The following MGMT variants were observed in gnomAD, a reference collection of about 807,000 sequenced individuals.
MGMT encodes O-6-methylguanine-DNA methyltransferase, also known as methylated-DNA--protein-cysteine methyltransferase.
Under a neutral mutation model 15.9 loss-of-function variants are expected in MGMT, and 14 were observed. The observed-to-expected ratio is 0.88, with a 90% CI of 0.58 to 1.37. The LOEUF (loss-of-function observed/expected upper bound fraction) is 1.37. MGMT is among the 40% of genes most tolerant of loss of function. MGMT has a pLI of 0.00. For synonymous variants in MGMT, 130 were observed against 118.2 expected (o/e 1.10, Z -0.65); for missense variants, 282 against 268.1 (o/e 1.05, Z -0.36).
chr10:129,677,800 C>T (rs553396005), intron 2 of MGMT, among the ~76,000 whole-genome samples: 4 of 152,268 alleles, frequency 2.6e-5, no homozygotes, highest in Admixed American at 6.5e-5. Context: ...AACAGGTCAC[C>T]GAGGCCACTG....
At chr10:129,763,318 G>C (rs544241250) in intron 4 of MGMT, among the ~76,000 whole-genome samples, 199 of 152,210 alleles carry the variant, frequency 1.3e-3, no homozygotes, top group Non-Finnish European at 2.3e-3. Flanking sequence ...ATTTCAGCAG[G>C]TTTCATTATC....
chr10:129,612,486 A>G (rs1334043464), intron 2 of MGMT, among the ~76,000 whole-genome samples: 1 of 152,238 alleles, frequency 6.6e-6, no homozygotes, highest in African/African-American at 2.4e-5. Flanking sequence ...TTGAATTAAA[A>G]TATTTTATCA....
At chr10:129,712,905 G>A (rs1392757795) in intron 3 of MGMT, among the ~76,000 whole-genome samples, 2 of 152,184 alleles carry the variant, frequency 1.3e-5, no homozygotes, top group East Asian at 3.9e-4. Flanking sequence ...CCTGGAAAGA[G>A]GCATATTAGC....
intron 2 of MGMT, among the ~76,000 whole-genome samples, chr10:129,538,300 C>T (rs117254712): frequency 0.021 from 3,209 of 152,274 alleles, 54 homozygotes; most frequent in Non-Finnish European, 0.036. Context: ...TAAAGTTAGT[C>T]CTCTTTGTGA....
At chr10:129,479,487 C>T (rs147950438) in intron 1 of MGMT, among the ~76,000 whole-genome samples, 1 of 151,948 alleles carries the variant, frequency 6.6e-6, no homozygotes, top group South Asian at 2.1e-4. Flanking sequence ...AAGTATTCTG[C>T]TCGTTTTTTC....
intron 2 of MGMT, among the ~76,000 whole-genome samples, chr10:129,614,356 G>A (rs781457236): frequency 7.2e-5 from 11 of 152,150 alleles, no homozygotes; most frequent in South Asian, 2.1e-4. Context: ...TCTAAGACAC[G>A]TGGTCTAGGG....
intron 2 of MGMT, among the ~76,000 whole-genome samples, chr10:129,581,890 A>C (rs1846559973): frequency 1.3e-5 from 2 of 152,224 alleles, no homozygotes; most frequent in African/African-American, 4.8e-5. Context: ...TTCTATCCTT[A>C]ATATTTAAAA....
Position 129,770,545 on chromosome 10 carries a change from G to A in MGMT, c.*3548G>A, listed in dbSNP as rs1191184545. ...ACCCGTAGCTGTGACCATGGGCGGT[G>A]GCGCCAGCTCGGACTTCACCCCGTT... is the stretch of plus-strand genomic sequence containing the variant. On this transcript the variant is annotated 3_prime_UTR_variant, in exon 5 of 5. Transcript: ENST00000651593. 1.3e-5 allele frequency among the ~76,000 whole-genome samples: 2 copies of A among 152,224 alleles called. No individual in the cohort carries two copies. The highest frequency in any genetic ancestry group is 4.8e-5 in the African/African-American group (2 of 41,462).
chr10:129,550,325 C>T (rs1846142295), intron 2 of MGMT, among the ~76,000 whole-genome samples: 1 of 151,504 alleles, frequency 6.6e-6, no homozygotes, highest in Non-Finnish European at 1.5e-5. Context: ...CCACCACCGC[C>T]GCCCAGCACC....
At chr10:129,657,774 T>A (rs1847548338) in intron 2 of MGMT, among the ~76,000 whole-genome samples, 1 of 151,356 alleles carries the variant, frequency 6.6e-6, no homozygotes, top group Admixed American at 6.6e-5. Context: ...TCTTAGCGTG[T>A]GTGGAGTCAT....
chr10:129,560,306 G>A (rs997797730), intron 2 of MGMT, among the ~76,000 whole-genome samples: 5 of 152,156 alleles, frequency 3.3e-5, no homozygotes, highest in African/African-American at 1.2e-4. Context: ...TATAGAACAC[G>A]TTATTAAATG....
intron 2 of MGMT, among the ~76,000 whole-genome samples, chr10:129,653,669 A>G (rs1035583847): frequency 2.6e-5 from 4 of 152,248 alleles, no homozygotes; most frequent in Non-Finnish European, 5.9e-5. Context: ...TTGCAAGATT[A>G]CATCATGTGA....
chr10:129,495,703 G>T (rs989893147), intron 1 of MGMT, among the ~76,000 whole-genome samples: 5 of 152,184 alleles, frequency 3.3e-5, no homozygotes, highest in African/African-American at 1.2e-4. Flanking sequence ...CCTGTCAAAC[G>T]TGTATGGAAT....
intron 2 of MGMT, chr10:129,694,217 G>A (rs992297717): frequency 5.3e-5 from 8 of 152,300 alleles, no homozygotes; most frequent in African/African-American, 1.7e-4. Flanking sequence ...TGAAGGGTTT[G>A]GGGGGTGAAA....
intron 2 of MGMT, among the ~76,000 whole-genome samples, chr10:129,683,682 C>T (rs1847877454): frequency 6.6e-6 from 1 of 152,178 alleles, no homozygotes; most frequent in Non-Finnish European, 1.5e-5. Flanking sequence ...ACTGGGTTTC[C>T]TGTCATGATG....
chr10:129,616,834 G>A (rs1172628994), intron 2 of MGMT, among the ~76,000 whole-genome samples: 4 of 152,078 alleles, frequency 2.6e-5, no homozygotes, highest in Non-Finnish European at 5.9e-5. Context: ...GTGGGAGAGG[G>A]GCCTGGGAGT....
intron 1 of MGMT, among the ~76,000 whole-genome samples, chr10:129,525,788 A>G (rs952624315): frequency 2.3e-4 from 35 of 152,154 alleles, no homozygotes; most frequent in African/African-American, 6.3e-4. Context: ...TGTAATTCTA[A>G]TGCAGAATCT....
At chr10:129,557,627 C>T (rs1016495586) in intron 2 of MGMT, among the ~76,000 whole-genome samples, 2 of 152,006 alleles carry the variant, frequency 1.3e-5, no homozygotes, top group African/African-American at 4.8e-5. Flanking sequence ...ATTTTTATGT[C>T]GGTGTTTATA....
chr10:129,762,941 C>T (rs1013810450), intron 4 of MGMT, among the ~76,000 whole-genome samples: 6 of 151,940 alleles, frequency 3.9e-5, no homozygotes, highest in African/African-American at 1.5e-4. Flanking sequence ...GATGAGGCTG[C>T]GAGTGAAAAC....
Sources: allele counts gnomAD v4.1 joint callset (sites outside exome capture counted in the v4.1 genomes callset), GRCh38; gene constraint gnomAD v4.1.1; transcripts MANE v1.5; gene names NCBI Gene and HGNC (gene_info 2026-07-23, HGNC 2026-07-21).